Variants in TMEM163 observed in about 807,000 individuals in gnomAD.
TMEM163 encodes the protein transmembrane protein 163.
A neutral mutation model predicts 29.3 loss-of-function variants in TMEM163; 17 were observed. The observed-to-expected ratio is 0.58, with a 90% CI of 0.40 to 0.87. The LOEUF (loss-of-function observed/expected upper bound fraction) is 0.87. Ranked by LOEUF, TMEM163 falls within the 40% of genes least tolerant of loss-of-function variation. The pLI is 0.00. For missense variants in TMEM163, 303 were observed against 381.5 expected, an observed-to-expected ratio of 0.79 and a Z score of 1.71; for synonymous variants, 157 against 160.6, an observed-to-expected ratio of 0.98 and a Z score of 0.17.
At chr2:134,695,524 A>G (rs1684560189) in intron 2 of TMEM163, among the ~76,000 whole-genome samples, 1 of 152,148 alleles carries the variant, frequency 6.6e-6, no homozygotes, top group Admixed American at 6.5e-5. Context: ...CAAATACTAT[A>G]AAAACTGTAG....
intron 5 of TMEM163, among the ~76,000 whole-genome samples, chr2:134,496,131 G>A (rs1175204843): frequency 6.6e-6 from 1 of 150,384 alleles, no homozygotes; most frequent in African/African-American, 2.5e-5. Flanking sequence ...GCGCAATCTT[G>A]GCTCACTGCG....
In TMEM163 at chr2:134,516,596, CAT is replaced by C. The variant is rs1436802485; in HGVS notation, c.459-13601_459-13600del. On this transcript the variant is annotated intron_variant, in intron 4 of 7. Transcript: ENST00000281924. Reference sequence around the variant, plus strand: ...AAATATATATATATTCATATATATTCATATATATGTTCATAAATATTCATATA... The same window carrying C: ...AAATATATATATATTCATATATATTCATATATGTTCATAAATATTCATATA... 2.0e-5 allele frequency among the ~76,000 whole-genome samples: 3 copies of C among 148,160 alleles called. No homozygotes were observed. The Admixed American group carries it at 2.0e-4, about 10-fold the overall frequency.
chr2:134,533,521 T>A (rs1015409790), intron 4 of TMEM163, among the ~76,000 whole-genome samples: 1 of 152,220 alleles, frequency 6.6e-6, no homozygotes, highest in African/African-American at 2.4e-5. Flanking sequence ...AATTGAAACA[T>A]ATTGGTTCTA....
At chr2:134,523,378 G>A (rs1373551271) in intron 4 of TMEM163, among the ~76,000 whole-genome samples, 2 of 152,116 alleles carry the variant, frequency 1.3e-5, no homozygotes, top group African/African-American at 2.4e-5. Context: ...TCATGTAACA[G>A]GAAAGAGCTG....
At chr2:134,681,720 G>A (rs1684252676) in intron 2 of TMEM163, among the ~76,000 whole-genome samples, 1 of 152,172 alleles carries the variant, frequency 6.6e-6, no homozygotes, top group Non-Finnish European at 1.5e-5. Flanking sequence ...TGATGACCCT[G>A]GTTCCCAGCA....
At chr2:134,617,036 A>T (rs1682622703) in intron 2 of TMEM163, among the ~76,000 whole-genome samples, 1 of 152,198 alleles carries the variant, frequency 6.6e-6, no homozygotes, top group Non-Finnish European at 1.5e-5. Context: ...GGGCAAAAAT[A>T]AAAGACTGTA....
At chr2:134,464,584 C>T (rs886877977) in intron 6 of TMEM163, among the ~76,000 whole-genome samples, 6 of 152,120 alleles carry the variant, frequency 3.9e-5, no homozygotes, top group Non-Finnish European at 5.9e-5. Flanking sequence ...GATGCTCTTC[C>T]GAGGGTAGCC....
At chr2:134,517,607 C>A (rs1314481702) in intron 4 of TMEM163, among the ~76,000 whole-genome samples, 1 of 152,138 alleles carries the variant, frequency 6.6e-6, no homozygotes, top group African/African-American at 2.4e-5. Context: ...AAACTGGAAG[C>A]AGAGCCCAGG....
At chr2:134,561,703 A>G (rs1681187500) in intron 2 of TMEM163, among the ~76,000 whole-genome samples, 1 of 152,226 alleles carries the variant, frequency 6.6e-6, no homozygotes, top group Admixed American at 6.5e-5. Flanking sequence ...CAATGCCAGC[A>G]GAGCTATCAA....
chr2:134,651,988 A>C (rs1558978957), intron 2 of TMEM163, among the ~76,000 whole-genome samples: 1 of 128,206 alleles, frequency 7.8e-6, no homozygotes, highest in Non-Finnish European at 1.6e-5. Context: ...TGATGCCTCC[A>C]GCTTTGTTCT....
intron 4 of TMEM163, among the ~76,000 whole-genome samples, chr2:134,530,085 C>T (rs1005993640): frequency 4.6e-5 from 7 of 152,062 alleles, no homozygotes; most frequent in South Asian, 2.1e-4. Flanking sequence ...ATTTAACTCT[C>T]GAACCAGAAG....
At chr2:134,686,380 T>C (rs1250351035) in intron 2 of TMEM163, among the ~76,000 whole-genome samples, 1 of 152,148 alleles carries the variant, frequency 6.6e-6, no homozygotes, top group East Asian at 1.9e-4. Context: ...AAGCAATCCG[T>C]ACATATTAAA....
chr2:134,599,012 G>A (rs1213344726), intron 2 of TMEM163, among the ~76,000 whole-genome samples: 63 of 87,926 alleles, frequency 7.2e-4, no homozygotes, highest in African/African-American at 2.8e-3. Flanking sequence ...AAGCCATTCC[G>A]TTAAAAAAAA....
chr2:134,523,582 C>T, intron 4 of TMEM163, among the ~76,000 whole-genome samples: 1 of 152,204 alleles, frequency 6.6e-6, no homozygotes, highest in African/African-American at 2.4e-5. Flanking sequence ...GCCACCATTA[C>T]ACCACGTTTC....
chr2:134,595,280 A>G (rs1235936145), intron 2 of TMEM163, among the ~76,000 whole-genome samples: 1 of 151,548 alleles, frequency 6.6e-6, no homozygotes, highest in Non-Finnish European at 1.5e-5. Context: ...CAACCCCACA[A>G]CAGGCCCTGG....
chr2:134,686,944 A>G (rs1487888373), intron 2 of TMEM163, among the ~76,000 whole-genome samples: 2 of 152,220 alleles, frequency 1.3e-5, no homozygotes, highest in African/African-American at 4.8e-5. Context: ...AGACACAGTG[A>G]GTTACACTAC....
intron 2 of TMEM163, among the ~76,000 whole-genome samples, chr2:134,555,277 T>C (rs540425116): frequency 6.6e-6 from 1 of 152,154 alleles, no homozygotes; most frequent in Admixed American, 6.5e-5. Flanking sequence ...ACCCCCCAAC[T>C]TCCATGGGGT....
chr2:134,685,225 C>T (rs888946077), intron 2 of TMEM163, among the ~76,000 whole-genome samples: 10 of 152,142 alleles, frequency 6.6e-5, no homozygotes, highest in African/African-American at 2.4e-4. Context: ...GATGTCTGAC[C>T]CTTAAGAATA....
intron 5 of TMEM163, among the ~76,000 whole-genome samples, chr2:134,475,840 G>A (rs958187379): frequency 1.3e-5 from 2 of 152,122 alleles, no homozygotes; most frequent in African/African-American, 4.8e-5. Context: ...ATAATACCAA[G>A]TATGTGAGGA....
Sources: allele counts gnomAD v4.1 joint callset (sites outside exome capture counted in the v4.1 genomes callset), GRCh38; gene constraint gnomAD v4.1.1; transcripts MANE v1.5; gene names NCBI Gene and HGNC (gene_info 2026-07-23, HGNC 2026-07-21).